Variants in GSK3B observed in about 807,000 individuals in gnomAD.
GSK3B encodes the protein glycogen synthase kinase-3 beta.
Under a neutral mutation model 56.4 loss-of-function variants are expected in GSK3B, and 15 were observed. The ratio of observed to expected loss-of-function variants is 0.27; its 90% confidence interval spans 0.18 to 0.41. GSK3B has a LOEUF of 0.41. GSK3B is among the 10% of genes least tolerant of loss of function. The probability of loss-of-function intolerance (pLI) is 1.00; values close to 1 mark genes in which losing one functional copy is unlikely to be tolerated. For synonymous variants in GSK3B, 181 were observed against 188.9 expected, an observed-to-expected ratio of 0.96 and a Z score of 0.34; for missense variants, 300 against 513.4, an observed-to-expected ratio of 0.58 and a Z score of 4.02.
intron 6 of GSK3B, among the ~76,000 whole-genome samples, chr3:119,908,650 C>T (rs1395804976): frequency 6.6e-6 from 1 of 152,208 alleles, no homozygotes; most frequent in Non-Finnish European, 1.5e-5. Context: ...GAATTACATA[C>T]ACATACATAT....
intron 8 of GSK3B, among the ~76,000 whole-genome samples, chr3:119,867,046 A>G (rs188273168): frequency 2.6e-3 from 397 of 152,286 alleles, no homozygotes; most frequent in African/African-American, 8.5e-3. Flanking sequence ...GGGAGGGGGC[A>G]TATTAGCCTG....
intron 1 of GSK3B, among the ~76,000 whole-genome samples, chr3:120,021,717 G>C (rs1030783504): frequency 6.6e-6 from 1 of 152,160 alleles, no homozygotes; most frequent in Admixed American, 6.6e-5. Flanking sequence ...GATCAAACTT[G>C]AACAGATGAG....
At chr3:119,934,101 C>A (rs530243764) in intron 3 of GSK3B, among the ~76,000 whole-genome samples, 1 of 152,254 alleles carries the variant, frequency 6.6e-6, no homozygotes, top group Admixed American at 6.5e-5. Flanking sequence ...AGCTACTCCA[C>A]CATTAAGGAA....
chr3:120,042,124 C>G (rs1423691939), intron 1 of GSK3B, among the ~76,000 whole-genome samples: 1 of 152,112 alleles, frequency 6.6e-6, no homozygotes, highest in Non-Finnish European at 1.5e-5. Context: ...ACCAAAAAAG[C>G]CTGTCTTTTA....
chr3:119,876,159 C>T (rs1017791837), intron 8 of GSK3B, among the ~76,000 whole-genome samples: 3 of 152,074 alleles, frequency 2.0e-5, no homozygotes, highest in Non-Finnish European at 4.4e-5. Context: ...AAATCAAATT[C>T]TGTACTTTAA....
intron 2 of GSK3B, among the ~76,000 whole-genome samples, chr3:119,948,382 G>C (rs1451619498): frequency 6.6e-6 from 1 of 152,206 alleles, no homozygotes; most frequent in Non-Finnish European, 1.5e-5. Context: ...CTTAGAAGAT[G>C]AGAGCAGAAG....
chr3:120,045,350 A>G (rs1294572317), intron 1 of GSK3B, among the ~76,000 whole-genome samples: 1 of 152,102 alleles, frequency 6.6e-6, no homozygotes, highest in Non-Finnish European at 1.5e-5. Context: ...TAGTTACTGT[A>G]AACAACCTTC....
intron 10 of GSK3B, among the ~76,000 whole-genome samples, chr3:119,838,292 G>GA (rs2055723688): frequency 6.6e-6 from 1 of 151,816 alleles, no homozygotes; most frequent in Non-Finnish European, 1.5e-5. Context: ...CTCAAAAAAA[G>GA]AAACAAAGAA....
intron 1 of GSK3B, among the ~76,000 whole-genome samples, chr3:120,067,331 C>T (rs143201417): frequency 2.6e-5 from 4 of 151,204 alleles, no homozygotes; most frequent in Admixed American, 6.6e-5. Context: ...AAATGGAGTA[C>T]GCCCACTAAA....
chr3:120,067,236 C>CAA (rs58967403), intron 1 of GSK3B, among the ~76,000 whole-genome samples: 3,423 of 122,818 alleles, frequency 0.028, 137 homozygotes, highest in African/African-American at 0.089. Context: ...ACTGTAACAT[C>CAA]AAAAAAAAAA....
chr3:119,980,120 T>C (rs572707899), intron 2 of GSK3B, among the ~76,000 whole-genome samples: 1 of 152,306 alleles, frequency 6.6e-6, no homozygotes, highest in African/African-American at 2.4e-5. Context: ...TTAAATCAAA[T>C]ATTTTTAAGG....
intron 1 of GSK3B, among the ~76,000 whole-genome samples, chr3:120,021,689 G>A (rs1277573406): frequency 6.6e-6 from 1 of 152,192 alleles, no homozygotes; most frequent in Non-Finnish European, 1.5e-5. Context: ...AGATGTGACT[G>A]AACTGCTGCA....
intron 1 of GSK3B, among the ~76,000 whole-genome samples, chr3:120,007,821 G>A (rs1278715788): frequency 6.6e-6 from 1 of 152,108 alleles, no homozygotes; most frequent in African/African-American, 2.4e-5. Context: ...ATACTGAATG[G>A]GCAAAAGCTG....
chr3:119,904,948 T>C (rs2056667340), intron 7 of GSK3B, among the ~76,000 whole-genome samples: 1 of 149,946 alleles, frequency 6.7e-6, no homozygotes, highest in Non-Finnish European at 1.5e-5. Context: ...GATATAAATC[T>C]AGACACTAGG....
intron 2 of GSK3B, among the ~76,000 whole-genome samples, chr3:119,997,915 A>G (rs957382296): frequency 2.6e-5 from 4 of 152,222 alleles, no homozygotes; most frequent in African/African-American, 9.6e-5. Context: ...AAGTTATATT[A>G]CTACTTTACA....
At chr3:120,001,937 T>C (rs1284077667) in intron 2 of GSK3B, 109 bp downstream of exon 2, 2 of 653,474 alleles carry the variant, frequency 3.1e-6, no homozygotes, top group Non-Finnish European at 5.0e-6. Context: ...TGAACAAAAA[T>C]GCGCACAATA....
intron 4 of GSK3B, among the ~76,000 whole-genome samples, chr3:119,918,299 C>G (rs1238135032): frequency 1.3e-5 from 2 of 151,456 alleles, no homozygotes; most frequent in African/African-American, 2.4e-5. Flanking sequence ...ATGGTGAAAC[C>G]CCGTCTCTAC....
At chr3:119,964,579 A>G (rs971146042) in intron 2 of GSK3B, among the ~76,000 whole-genome samples, 18 of 152,312 alleles carry the variant, frequency 1.2e-4, no homozygotes, top group Admixed American at 1.2e-3. Flanking sequence ...AGACAATAGA[A>G]TGGTGGTTAC....
At chr3:119,928,890 T>C (rs183988514) in intron 3 of GSK3B, among the ~76,000 whole-genome samples, 29 of 152,306 alleles carry the variant, frequency 1.9e-4, no homozygotes, top group Admixed American at 1.5e-3. Flanking sequence ...CATGATATTA[T>C]AAGAAATCAT....
Sources: allele counts gnomAD v4.1 joint callset (sites outside exome capture counted in the v4.1 genomes callset), GRCh38; gene constraint gnomAD v4.1.1; transcripts MANE v1.5; gene names NCBI Gene and HGNC (gene_info 2026-07-23, HGNC 2026-07-21).